Variants in LRRC3B observed in about 807,000 individuals in gnomAD.
LRRC3B encodes the protein leucine rich repeat containing 3B.
In LRRC3B, 2 loss-of-function variants were observed where a neutral mutation model predicts 12.8. That is an observed-to-expected ratio of 0.16 (90% CI 0.06 to 0.49). The LOEUF (loss-of-function observed/expected upper bound fraction) is 0.49, where lower values mean the gene tolerates loss of function less well. LRRC3B is among the 20% of genes least tolerant of loss of function. The probability of loss-of-function intolerance (pLI) is 0.96; values close to 1 mark genes in which losing one functional copy is unlikely to be tolerated. For missense variants in LRRC3B, 189 were observed against 319.4 expected (o/e 0.59, Z 3.11); for synonymous variants, 132 against 122.0 (o/e 1.08, Z -0.54).
intron 1 of LRRC3B, among the ~76,000 whole-genome samples, chr3:26,679,205 T>C (rs749119162): frequency 1.3e-5 from 2 of 152,224 alleles, no homozygotes; most frequent in Admixed American, 6.5e-5. Context: ...AGAAAGATGA[T>C]AGCAGGTAGT....
chr3:26,631,091 T>G (rs772212279), intron 1 of LRRC3B, among the ~76,000 whole-genome samples: 68 of 152,178 alleles, frequency 4.5e-4, no homozygotes, highest in Non-Finnish European at 7.8e-4. Context: ...AGAGAAGACC[T>G]TCAGCTGGAA....
chr3:26,632,390 C>A (rs924709065), intron 1 of LRRC3B, among the ~76,000 whole-genome samples: 4 of 152,126 alleles, frequency 2.6e-5, no homozygotes, highest in African/African-American at 9.7e-5. Context: ...ATGGGCAGGT[C>A]TATGCAAACC....
intron 1 of LRRC3B, among the ~76,000 whole-genome samples, chr3:26,649,700 A>G (rs1022397966): frequency 6.6e-5 from 10 of 152,108 alleles, no homozygotes; most frequent in Non-Finnish European, 8.8e-5. Flanking sequence ...TTAAAATACC[A>G]CTTTAATTTG....
chr3:26,709,598 G>A (rs549709905), exon 2 of LRRC3B: 160 of 1,426,226 alleles, frequency 1.1e-4, no homozygotes, highest in Non-Finnish European at 1.5e-4. Flanking sequence ...TCAATAGTGT[G>A]GACAGGGCTG....
chr3:26,710,553 T>C (rs1700727862), exon 2 of LRRC3B: 5 of 1,201,954 alleles, frequency 4.2e-6, no homozygotes, highest in Non-Finnish European at 5.7e-6. Flanking sequence ...TTTGAAACTT[T>C]GTATTTCAGT....
chr3:26,625,671 GA>G (rs2125395836), intron 1 of LRRC3B, among the ~76,000 whole-genome samples: 1 of 152,288 alleles, frequency 6.6e-6, no homozygotes, highest in African/African-American at 2.4e-5. Context: ...GCAACTTGAG[GA>G]AAGACTCCAA....
At chr3:26,657,485 C>G (rs928844762) in intron 1 of LRRC3B, among the ~76,000 whole-genome samples, 7 of 152,210 alleles carry the variant, frequency 4.6e-5, no homozygotes, top group African/African-American at 1.2e-4. Flanking sequence ...GGAACTCTTA[C>G]AACTCCCATG....
intron 1 of LRRC3B, among the ~76,000 whole-genome samples, chr3:26,695,150 A>G (rs541622809): frequency 6.6e-6 from 1 of 152,286 alleles, no homozygotes; most frequent in Non-Finnish European, 1.5e-5. Flanking sequence ...CAGAATTTGC[A>G]GATTGCTTCA....
intron 1 of LRRC3B, among the ~76,000 whole-genome samples, chr3:26,690,550 G>A (rs939413888): frequency 3.3e-5 from 5 of 152,082 alleles, no homozygotes; most frequent in African/African-American, 1.2e-4. Context: ...AAGTCCCTAG[G>A]TAGCTGTTAA....
intron 1 of LRRC3B, among the ~76,000 whole-genome samples, chr3:26,652,845 A>G (rs1699293007): frequency 6.6e-6 from 1 of 152,148 alleles, no homozygotes; most frequent in South Asian, 2.1e-4. Flanking sequence ...CCCAAATTTT[A>G]TTATGCTAAA....
intron 1 of LRRC3B, among the ~76,000 whole-genome samples, chr3:26,657,584 C>A (rs980950434): frequency 1.3e-5 from 2 of 152,090 alleles, no homozygotes; most frequent in Non-Finnish European, 2.9e-5. Context: ...TGGTATTAGT[C>A]ATTTAAAAAG....
intron 1 of LRRC3B, among the ~76,000 whole-genome samples, chr3:26,643,255 AGTGTGTGT>A (rs76915536): frequency 7.3e-6 from 1 of 136,842 alleles, no homozygotes; most frequent in Admixed American, 7.1e-5. Flanking sequence ...CATATGTGTG[AGTGTGTGT>A]GTGTGTGTGT....
intron 1 of LRRC3B, among the ~76,000 whole-genome samples, chr3:26,651,255 G>A (rs1351752763): frequency 6.6e-6 from 1 of 152,174 alleles, no homozygotes; most frequent in Non-Finnish European, 1.5e-5. Context: ...TTTTCTGGGA[G>A]GTCATCAGAG....
chr3:26,658,873 A>G (rs1210457912), intron 1 of LRRC3B, among the ~76,000 whole-genome samples: 3 of 152,250 alleles, frequency 2.0e-5, no homozygotes, highest in African/African-American at 4.8e-5. Flanking sequence ...TGACATGGAC[A>G]TGACTGCAAC....
intron 1 of LRRC3B, among the ~76,000 whole-genome samples, chr3:26,702,558 A>T (rs1700482575): frequency 6.6e-6 from 1 of 152,174 alleles, no homozygotes; most frequent in Non-Finnish European, 1.5e-5. Flanking sequence ...TGTTTGTTGA[A>T]TTCATGTTTC....
At chr3:26,702,711 G>A (rs1700486959) in intron 1 of LRRC3B, among the ~76,000 whole-genome samples, 1 of 152,112 alleles carries the variant, frequency 6.6e-6, no homozygotes, top group Non-Finnish European at 1.5e-5. Context: ...AAGGATGGAA[G>A]CACAGAGACT....
At chr3:26,656,188 C>T (rs1360236303) in intron 1 of LRRC3B, among the ~76,000 whole-genome samples, 1 of 152,228 alleles carries the variant, frequency 6.6e-6, no homozygotes, top group Non-Finnish European at 1.5e-5. Context: ...GCCACTGCCA[C>T]TGCCACTGCT....
chr3:26,705,679 G>A (rs1214345125), intron 1 of LRRC3B, among the ~76,000 whole-genome samples: 1 of 152,030 alleles, frequency 6.6e-6, no homozygotes, highest in Admixed American at 6.6e-5. Context: ...AAAGCAGGAG[G>A]GAGTTTTAGG....
intron 1 of LRRC3B, among the ~76,000 whole-genome samples, chr3:26,686,707 G>A (rs1293562553): frequency 6.6e-6 from 1 of 152,188 alleles, no homozygotes; most frequent in South Asian, 2.1e-4. Flanking sequence ...ACTCTGAGAT[G>A]GGATTTGGCA....
Sources: allele counts gnomAD v4.1 joint callset (sites outside exome capture counted in the v4.1 genomes callset), GRCh38; gene constraint gnomAD v4.1.1; transcripts MANE v1.5; gene names NCBI Gene and HGNC (gene_info 2026-07-23, HGNC 2026-07-21).